Variants in HYLS1 observed in about 807,000 individuals in gnomAD.
The protein encoded by HYLS1 is centriolar and ciliogenesis-associated protein HYLS1.
Under a neutral mutation model 29.4 loss-of-function variants are expected in HYLS1, and 25 were observed. The observed-to-expected ratio is 0.85, with a 90% CI of 0.62 to 1.19. HYLS1 has a LOEUF of 1.19. HYLS1 is among the 50% of genes most tolerant of loss of function. The pLI is 0.00. For missense variants in HYLS1, 352 were observed against 365.1 expected, an observed-to-expected ratio of 0.96 and a Z score of 0.29; for synonymous variants, 128 against 126.7, an observed-to-expected ratio of 1.01 and a Z score of -0.07.
At position 125,899,430 on chromosome 11, in the gene HYLS1, T is replaced by C. The variant is rs1944690793; in HGVS notation, c.62T>C (p.Leu21Ser). Residue 21 changes from leucine to serine, a missense_variant, in exon 3 of 3, where the codon TTG becomes TCG. Leu to Ser is a moderately radical substitution (Grantham distance 145). Coordinates refer to ENST00000425380, the MANE Select transcript of HYLS1 (RefSeq NM_001134793.2). ...WANMDPEERMLAAATAFTHIC... is the reference protein window; with the variant it reads ...WANMDPEERMSAAATAFTHIC... ...AATATGGATCCAGAAGAACGAATGT[T>C]GGCAGCTGCTACAGCTTTTACCCAC... 1.9e-6 allele frequency: 3 copies of C among 1,614,216 alleles called. No homozygotes were observed. The highest frequency in any genetic ancestry group is 1.7e-5 in the Admixed American group (1 of 60,030).
rs1377548047 is a variant in HYLS1 at position 125,891,486 on chromosome 11, A to AAC, written c.-26+15_-26+16insCA. ...CATTGAAATAAGGTAAGAAATTGAAAAAAAAAAAAAAAAACCTTGGTTTGC... is the reference window on the plus strand; with the variant it reads ...CATTGAAATAAGGTAAGAAATTGAAAACAAAAAAAAAAAAAACCTTGGTTTGC... On this transcript the variant is annotated intron_variant, in intron 2 of 2. Transcript: ENST00000425380. The AAC allele has an allele frequency of 1.3e-5, 2 of 150,976 alleles. No individual in the cohort carries two copies. Among genetic ancestry groups the AAC allele is most frequent in the Admixed American group, 1.3e-4 (2 of 15,152 alleles). The allele number at this position is 150,976 out of a possible 1,614,324, so 9.4% of individuals were successfully genotyped here.
chr11:125,895,954 A>G, intron 2 of HYLS1: 1 of 1,614,060 alleles, frequency 6.2e-7, no homozygotes, highest in East Asian at 2.2e-5. Flanking sequence ...CATCGGTGAT[A>G]GTTGGATGTC....
chr11:125,893,775 T>C (rs1944481707), intron 2 of HYLS1: 8 of 1,582,464 alleles, frequency 5.1e-6, no homozygotes, highest in Non-Finnish European at 6.9e-6. Flanking sequence ...TCCTGGCAAA[T>C]TGTCTATGGT....
At position 125,887,721 on chromosome 11, in the gene HYLS1, G is replaced by A. The variant is rs1266402866; in HGVS notation, c.-120G>A. ...TAACAGAATCTGCGGTGCTCTGCTG[G>A]CGACTGGCAGGACGCGGTGCAGAGA... On this transcript the variant is annotated 5_prime_UTR_variant, in exon 1 of 3. Coordinates refer to ENST00000425380, the MANE Select transcript of HYLS1 (RefSeq NM_001134793.2). 2 of 152,298 alleles carry A rather than the reference G, an allele frequency of 1.3e-5. No individual in the cohort carries two copies. The highest frequency in any genetic ancestry group is 4.8e-5 in the African/African-American group (2 of 41,474). The allele number at this position is 152,298 out of a possible 1,614,324, so 9.4% of individuals were successfully genotyped here.
chr11:125,894,801 C>G (rs1322752341), intron 2 of HYLS1, among the ~76,000 whole-genome samples: 2 of 152,148 alleles, frequency 1.3e-5, no homozygotes, highest in African/African-American at 4.8e-5. Flanking sequence ...TTACCACATC[C>G]TAACAGTAAT....
rs937772679 is a variant in HYLS1, at chr11:125,900,363, G to A, written c.*95G>A. 64 of 1,226,084 alleles carry A rather than the reference G, an allele frequency of 5.2e-5. 1 individual carries two copies. The highest frequency in any genetic ancestry group is 9.3e-5 in the Admixed American group (5 of 53,732). The allele number at this position is 1,226,084 out of a possible 1,614,324, so 76.0% of individuals were successfully genotyped here. A position where few individuals can be genotyped will look rare whatever the true frequency, so the allele number is the denominator to read the frequency against. ...AAACAACTGTCTTGAGAAGCTCTTC[G>A]AAACATTTTATGGTAAGGACTTCAC... is the stretch of plus-strand genomic sequence containing the variant. On this transcript the variant is annotated 3_prime_UTR_variant, in exon 3 of 3. Transcript: ENST00000425380.
chr11:125,900,120 C>A lies in HYLS1; in HGVS notation c.752C>A (p.Pro251His), dbSNP rs750106574. 6.2e-7 allele frequency: 1 copy of A among 1,614,124 alleles called. No homozygotes were observed. The highest frequency in any genetic ancestry group is 1.1e-5 in the South Asian group (1 of 91,060). Residue 251 changes from proline (P) to histidine (H), a missense_variant, in exon 3 of 3, where the codon CCC becomes CAC. Physicochemically the swap from Pro to His is moderately conservative, Grantham distance 77. Coordinates refer to ENST00000425380, the MANE Select transcript of HYLS1 (RefSeq NM_001134793.2). ...GAGCAGATGCTTTGTCGAGCAGAAC[C>A]CCAATCCAAACCTCAGCATATATAT... ...VREQMLCRAEPQSKPQHIYVP... is the reference protein window; with the variant it reads ...VREQMLCRAEHQSKPQHIYVP...
chr11:125,895,972 T>C (rs751781558), intron 2 of HYLS1: 1 of 1,614,208 alleles, frequency 6.2e-7, no homozygotes, highest in South Asian at 1.1e-5. Flanking sequence ...GTCTGTCTGC[T>C]TTCTACTAGT....
chr11:125,885,482 G>T (rs977764654), upstream of HYLS1, among the ~76,000 whole-genome samples: 13 of 151,874 alleles, frequency 8.6e-5, no homozygotes, highest in Admixed American at 5.2e-4. Context: ...AAAAAGAAAC[G>T]AACTGGGGGA....
intron 2 of HYLS1, chr11:125,895,336 G>C: frequency 6.2e-7 from 1 of 1,614,142 alleles, no homozygotes; most frequent in Non-Finnish European, 8.5e-7. Context: ...CATCGGACTT[G>C]ATGATAAAGG....
chr11:125,889,794 C>T (rs1310211573), intron 1 of HYLS1, among the ~76,000 whole-genome samples: 4 of 152,078 alleles, frequency 2.6e-5, no homozygotes, highest in Non-Finnish European at 2.9e-5. Flanking sequence ...CGGATTATCC[C>T]CAACACACAG....
upstream of HYLS1, among the ~76,000 whole-genome samples, chr11:125,886,119 TC>T (rs1944300264): frequency 6.6e-6 from 1 of 152,144 alleles, no homozygotes; most frequent in Admixed American, 6.5e-5. Flanking sequence ...AAAATTGTCT[TC>T]CATGAAACCT....
chr11:125,884,670 T>C (rs1944279046), upstream of HYLS1, among the ~76,000 whole-genome samples: 1 of 152,218 alleles, frequency 6.6e-6, no homozygotes, highest in Non-Finnish European at 1.5e-5. Flanking sequence ...CTTTAATTTT[T>C]CAGAGATCAT....
intron 2 of HYLS1, among the ~76,000 whole-genome samples, chr11:125,891,798 A>C (rs530606267): frequency 2.6e-5 from 4 of 152,262 alleles, no homozygotes; most frequent in African/African-American, 9.6e-5. Flanking sequence ...CAGCTATTAT[A>C]ATGTACTTTT....
chr11:125,889,841 A>C (rs536406108), intron 1 of HYLS1, among the ~76,000 whole-genome samples: 1 of 152,280 alleles, frequency 6.6e-6, no homozygotes, highest in East Asian at 1.9e-4. Flanking sequence ...TTCTTCACAC[A>C]CTTGCCAGCA....
chr11:125,893,444 A>G (rs1565450981), intron 2 of HYLS1: 1 of 176,734 alleles, frequency 5.7e-6, no homozygotes, highest in Non-Finnish European at 1.2e-5. Flanking sequence ...TGAGTAGTGA[A>G]TATCTTATCT....
chr11:125,896,549 T>A (rs964761545), intron 2 of HYLS1, among the ~76,000 whole-genome samples: 1 of 152,220 alleles, frequency 6.6e-6, no homozygotes, highest in African/African-American at 2.4e-5. Context: ...TATTCAGTTG[T>A]CATTATTAAG....
At position 125,899,498 on chromosome 11, in the gene HYLS1, C is replaced by T. The variant is rs1210487377; in HGVS notation, c.130C>T (p.Gln44Ter). 2 of 1,614,008 alleles carry T rather than the reference C, an allele frequency of 1.2e-6. No individual in the cohort carries two copies. The highest frequency in any genetic ancestry group is 1.3e-5 in the African/African-American group (1 of 74,892). Reference protein sequence around the residue: ...QGEGDVRREAQSIQYDPYSKA... With the variant: ...QGEGDVRREA The stretch of plus-strand genomic sequence containing the variant: ...TGAAGGAGATGTCAGGAGAGAAGCC[C>T]AATCTATCCAATATGATCCCTACAG... Residue 44 changes from glutamine to a stop codon, truncating the protein, a stop_gained, in exon 3 of 3, where the codon CAA becomes TAA. Coordinates refer to ENST00000425380, the MANE Select transcript of HYLS1 (RefSeq NM_001134793.2). LOFTEE classifies it high-confidence loss of function.
chr11:125,895,585 A>G (rs775961025), intron 2 of HYLS1: 1 of 1,614,232 alleles, frequency 6.2e-7, no homozygotes, highest in South Asian at 1.1e-5. Context: ...AAATAGCGGT[A>G]AGTCCGCTCA....
Sources: allele counts gnomAD v4.1 joint callset (sites outside exome capture counted in the v4.1 genomes callset), GRCh38; gene constraint gnomAD v4.1.1; transcripts MANE v1.5; gene names NCBI Gene and HGNC (gene_info 2026-07-23, HGNC 2026-07-21).